PARD3B: variants seen among roughly 807,000 people sequenced by gnomAD.
PARD3B encodes partitioning defective 3 homolog B.
PARD3B carries 103 observed loss-of-function variants against 130.2 expected under a neutral mutation model. That is an observed-to-expected ratio of 0.79 (90% CI 0.67 to 0.93). The LOEUF (loss-of-function observed/expected upper bound fraction) is 0.93. Ranked by LOEUF, PARD3B falls within the 40% of genes least tolerant of loss-of-function variation. The pLI is 0.00. For missense variants in PARD3B, 1,609 were observed against 1,499.2 expected, an observed-to-expected ratio of 1.07 and a Z score of -1.21; for synonymous variants, 583 against 553.2, an observed-to-expected ratio of 1.05 and a Z score of -0.76.
At chr2:205,512,262 G>T (rs1038904063) in intron 21 of PARD3B, among the ~76,000 whole-genome samples, 1 of 152,142 alleles carries the variant, frequency 6.6e-6, no homozygotes, top group Admixed American at 6.5e-5. Context: ...GAGTGTTTAT[G>T]AAAGAGTGCA....
At chr2:204,849,515 A>G (rs551295879) in intron 2 of PARD3B, among the ~76,000 whole-genome samples, 8 of 152,326 alleles carry the variant, frequency 5.3e-5, no homozygotes, top group Non-Finnish European at 1.2e-4. Flanking sequence ...TGAAGTGCTG[A>G]CATCTTTGTA....
intron 18 of PARD3B, among the ~76,000 whole-genome samples, chr2:205,303,082 TA>T (rs143229334): frequency 1.4e-4 from 20 of 147,040 alleles, no homozygotes; most frequent in Admixed American, 2.0e-4. Flanking sequence ...CACTTTTGGG[TA>T]AAAAAAAAAG....
rs1474666288 is a variant in PARD3B, at chr2:205,326,000, G to C, written c.2630+24299G>C. Among the ~76,000 whole-genome samples, 1 of 152,102 alleles carries C rather than the reference G, an allele frequency of 6.6e-6. No individual in the cohort carries two copies. The highest frequency in any genetic ancestry group is 6.6e-5 in the Admixed American group (1 of 15,252). ...ATCAAGCTTTAAATCTGAGGAAATG[G>C]AATCTGTGAAAACTGCCTAATTTGT... On this transcript the variant is annotated intron_variant, in intron 18 of 22. Transcript: ENST00000406610. This position sits in a 1 kb window ranked among gnomAD's most constrained non-coding sequence, Gnocchi z 4.1.
Position 205,336,188 on chromosome 2 carries a change from A to G in PARD3B, c.2630+34487A>G, listed in dbSNP as rs577213842. Among the ~76,000 whole-genome samples the G allele has an allele frequency of 2.0e-5, 3 of 152,322 alleles. No homozygotes were observed. The South Asian group carries it at 6.2e-4, about 32-fold the overall frequency. On this transcript the variant is annotated intron_variant, in intron 18 of 22. Transcript: ENST00000406610. ...CTTTAATTAAGAATACTTCTCTAAG[A>G]ACCAGCCTGAGTAATTTTGGGTAAC...
chr2:205,254,461 T>C (rs2039985397), intron 16 of PARD3B, among the ~76,000 whole-genome samples: 1 of 152,056 alleles, frequency 6.6e-6, no homozygotes, highest in African/African-American at 2.4e-5. Context: ...TTAGGATGTA[T>C]TGGTTTTCCT....
chr2:205,119,547 C>T (rs1474604394), intron 7 of PARD3B, among the ~76,000 whole-genome samples: 3 of 151,804 alleles, frequency 2.0e-5, no homozygotes, highest in East Asian at 1.9e-4. Context: ...TTTGGGGGGC[C>T]GAGGAGGGCA....
intron 2 of PARD3B, among the ~76,000 whole-genome samples, chr2:204,817,593 G>T (rs2043191818): frequency 6.6e-6 from 1 of 152,010 alleles, no homozygotes; most frequent in African/African-American, 2.4e-5. Flanking sequence ...TTTCTAATAG[G>T]TATGTGTTGA....
At chr2:204,566,299 G>A (rs898714269) in intron 1 of PARD3B, among the ~76,000 whole-genome samples, 3 of 152,186 alleles carry the variant, frequency 2.0e-5, no homozygotes, top group African/African-American at 7.2e-5. Flanking sequence ...GAACTCAGTC[G>A]TCATGTTTGT....
intron 11 of PARD3B, among the ~76,000 whole-genome samples, chr2:205,168,499 T>C (rs1012151445): frequency 6.6e-6 from 1 of 152,188 alleles, no homozygotes; most frequent in Non-Finnish European, 1.5e-5. Flanking sequence ...AAGCTGATTG[T>C]CTTTGTCCAA....
intron 18 of PARD3B, among the ~76,000 whole-genome samples, chr2:205,354,323 G>A (rs1195690642): frequency 7.9e-5 from 12 of 151,988 alleles, no homozygotes; most frequent in East Asian, 3.9e-4. Flanking sequence ...AGCAGGACGA[G>A]CTGCAGACAA....
chr2:205,162,798 G>A (rs188466495), intron 11 of PARD3B, among the ~76,000 whole-genome samples: 1 of 152,222 alleles, frequency 6.6e-6, no homozygotes, highest in Admixed American at 6.5e-5. Flanking sequence ...ATCAAAATTT[G>A]CGTTTTATTT....
At chr2:205,204,026 A>G (rs949742033) in intron 15 of PARD3B, among the ~76,000 whole-genome samples, 2 of 152,214 alleles carry the variant, frequency 1.3e-5, no homozygotes, top group Non-Finnish European at 2.9e-5. Context: ...AGGAATCACC[A>G]CACTGTCTTC....
At chr2:205,031,603 A>T (rs1697429235) in intron 3 of PARD3B, among the ~76,000 whole-genome samples, 1 of 152,048 alleles carries the variant, frequency 6.6e-6, no homozygotes, top group South Asian at 2.1e-4. Flanking sequence ...ATTTCCCCTC[A>T]TCTTGGTAGA....
At chr2:205,489,979 ACAAT>A (rs2049629535) in intron 20 of PARD3B, among the ~76,000 whole-genome samples, 1 of 152,194 alleles carries the variant, frequency 6.6e-6, no homozygotes, top group African/African-American at 2.4e-5. Context: ...CTCAGTCACA[ACAAT>A]CAATCACATA....
chr2:205,604,999 A>G (rs1390660837), intron 22 of PARD3B, among the ~76,000 whole-genome samples: 3 of 151,980 alleles, frequency 2.0e-5, no homozygotes, highest in African/African-American at 7.3e-5. Flanking sequence ...TGGTCAATTG[A>G]GCTATTGATA....
Position 205,460,928 on chromosome 2 carries a change from A to G in PARD3B, c.3044+20256A>G, listed in dbSNP as rs2048427573. On this transcript the variant is annotated intron_variant, in intron 20 of 22. Transcript: ENST00000406610. This position sits in a 1 kb window ranked among gnomAD's most constrained non-coding sequence, Gnocchi z 4.9. ...GAGGAGGCTACAGAAACCACTGATGATGTATTCTGTACCAGCTTAGCCTCC... is the reference window on the plus strand; with the variant it reads ...GAGGAGGCTACAGAAACCACTGATGGTGTATTCTGTACCAGCTTAGCCTCC... 6.6e-6 allele frequency among the ~76,000 whole-genome samples: 1 copy of G among 152,182 alleles called. No homozygotes were observed. The highest frequency in any genetic ancestry group is 2.4e-5 in the African/African-American group (1 of 41,440).
chr2:205,477,323 G>A (rs140420979), intron 20 of PARD3B, among the ~76,000 whole-genome samples: 1,606 of 152,286 alleles, frequency 0.011, 12 homozygotes, highest in Non-Finnish European at 0.018. Flanking sequence ...GAGTGGAGAT[G>A]TGTGTGGAAG....
At chr2:204,551,955 T>C (rs534037705) in intron 1 of PARD3B, among the ~76,000 whole-genome samples, 1 of 152,340 alleles carries the variant, frequency 6.6e-6, no homozygotes, top group Admixed American at 6.5e-5. Context: ...GTTCTAGATC[T>C]GCATCTTTCA....
In PARD3B at chr2:205,549,143, C is replaced by T. The variant is rs115772064; in HGVS notation, c.3181-4181C>T. Among the ~76,000 whole-genome samples, 321 of 152,234 alleles carry T rather than the reference C, an allele frequency of 2.1e-3. 1 individual carries two copies. The highest frequency in any genetic ancestry group is 0.01 in the Middle Eastern group (3 of 294). Reference sequence around the variant, plus strand: ...CAAATGCTGACAAGGAAGTGGAACACGGGGAACTCTCATTCACCAGGAACT... The same window carrying T: ...CAAATGCTGACAAGGAAGTGGAACATGGGGAACTCTCATTCACCAGGAACT... On this transcript the variant is annotated intron_variant, in intron 21 of 22. Coordinates refer to ENST00000406610, the MANE Select transcript of PARD3B (RefSeq NM_001302769.2).
Sources: allele counts gnomAD v4.1 joint callset (sites outside exome capture counted in the v4.1 genomes callset), GRCh38; gene constraint gnomAD v4.1.1; non-coding constraint Gnocchi (gnomAD v3.1); transcripts MANE v1.5; gene names NCBI Gene and HGNC (gene_info 2026-07-23, HGNC 2026-07-21).